Variants in SND1 observed in about 807,000 individuals in gnomAD.
SND1 encodes the protein staphylococcal nuclease domain-containing protein 1.
A neutral mutation model predicts 121.7 loss-of-function variants in SND1; 38 were observed. The ratio of observed to expected loss-of-function variants is 0.31; its 90% CI spans 0.24 to 0.41. The LOEUF (loss-of-function observed/expected upper bound fraction) is 0.41. Ranked by LOEUF, SND1 falls within the 10% of genes least tolerant of loss-of-function variation. The pLI is 1.00. For synonymous variants in SND1, 401 were observed against 447.4 expected, an observed-to-expected ratio of 0.90 and a Z score of 1.31; for missense variants, 868 against 1,184.6, an observed-to-expected ratio of 0.73 and a Z score of 3.92.
At chr7:128,072,126 T>A (rs534436125) in intron 16 of SND1, among the ~76,000 whole-genome samples, 18 of 152,310 alleles carry the variant, frequency 1.2e-4, no homozygotes, top group African/African-American at 4.3e-4. Flanking sequence ...GAGGTGTGAA[T>A]GTGGGGTTTG....
intron 12 of SND1, chr7:127,857,995 G>T: frequency 6.9e-7 from 1 of 1,456,016 alleles, no homozygotes; most frequent in Non-Finnish European, 9.6e-7. Flanking sequence ...ATGCAGCTCG[G>T]CATCCCCCGG....
chr7:127,854,406 G>A (rs976854204), intron 12 of SND1, among the ~76,000 whole-genome samples: 1 of 152,084 alleles, frequency 6.6e-6, no homozygotes, highest in Non-Finnish European at 1.5e-5. Context: ...GGGATTACAG[G>A]TGTGAGCCAC....
intron 16 of SND1, among the ~76,000 whole-genome samples, chr7:128,039,840 A>T (rs1312939364): frequency 6.6e-6 from 1 of 152,238 alleles, no homozygotes; most frequent in Non-Finnish European, 1.5e-5. Flanking sequence ...TTTGCTAATT[A>T]AAGAATGTTA....
intron 16 of SND1, among the ~76,000 whole-genome samples, chr7:128,021,798 G>C (rs1584742143): frequency 6.6e-6 from 1 of 152,306 alleles, no homozygotes; most frequent in East Asian, 1.9e-4. Context: ...CCTCATGCAG[G>C]ATTTCCTAGG....
chr7:128,007,663 T>C (rs890322951), intron 16 of SND1, among the ~76,000 whole-genome samples: 2 of 152,258 alleles, frequency 1.3e-5, no homozygotes, highest in Non-Finnish European at 2.9e-5. Flanking sequence ...AATCTAGTTA[T>C]AGACGTTTCT....
chr7:127,928,371 T>C (rs1800891567), intron 14 of SND1, among the ~76,000 whole-genome samples: 1 of 152,118 alleles, frequency 6.6e-6, no homozygotes, highest in Admixed American at 6.5e-5. Flanking sequence ...GCTGTACTAG[T>C]GCCTGGAGAA....
At chr7:127,678,220 C>G (rs376420133) in intron 1 of SND1, among the ~76,000 whole-genome samples, 41 of 152,282 alleles carry the variant, frequency 2.7e-4, no homozygotes, top group African/African-American at 9.9e-4. Context: ...GCTCTGCTGT[C>G]AATCCTGGTT....
chr7:128,023,456 T>C (rs1230931292), intron 16 of SND1, among the ~76,000 whole-genome samples: 1 of 152,184 alleles, frequency 6.6e-6, no homozygotes, highest in Non-Finnish European at 1.5e-5. Flanking sequence ...CTTCCCAAGG[T>C]CCCAGCCCTC....
At chr7:128,031,100 T>C (rs1015224337) in intron 16 of SND1, 1 of 152,684 alleles carries the variant, frequency 6.5e-6, no homozygotes, top group Non-Finnish European at 1.5e-5. Context: ...TGGCCTCTAG[T>C]AAATCCGGAG....
In SND1 at chr7:128,055,859, G is replaced by A. The variant is rs572941855; in HGVS notation, c.1780-18643G>A. Among the ~76,000 whole-genome samples, 6 of 152,082 alleles carry A rather than the reference G, an allele frequency of 3.9e-5. No homozygotes were observed. In the South Asian group the frequency reaches 1.0e-3, roughly 26 times the overall value. On this transcript the variant is annotated intron_variant, in intron 16 of 23. Coordinates refer to ENST00000354725, the MANE Select transcript of SND1 (RefSeq NM_014390.4). ...CTCGCTGGGCCAGAGCCTCTACCTC[G>A]GCTGTCTCAAAAACTTAGACATCTG...
At chr7:127,665,503 T>A (rs1000961902) in intron 1 of SND1, among the ~76,000 whole-genome samples, 1 of 152,158 alleles carries the variant, frequency 6.6e-6, no homozygotes, top group African/African-American at 2.4e-5. Flanking sequence ...CAACAATTTT[T>A]AAAATTTAAA....
Position 128,029,966 on chromosome 7 carries a change from C to T in SND1, c.1779+38910C>T, listed in dbSNP as rs1240171523. On this transcript the variant is annotated intron_variant, in intron 16 of 23. Transcript: ENST00000354725. The surrounding 1 kb of genome is among the most constrained non-coding windows in gnomAD (Gnocchi z 4.2). Reference sequence around the variant, plus strand: ...TGATCTCAGGGAAGTGGTTCCCTGACATCTCCAGCTCCTCCAGCCCCACCA... The same window carrying T: ...TGATCTCAGGGAAGTGGTTCCCTGATATCTCCAGCTCCTCCAGCCCCACCA... 6.2e-7 allele frequency: 1 copy of T among 1,613,034 alleles called. No individual in the cohort carries two copies. Among genetic ancestry groups the T allele is most frequent in the African/African-American group, 1.3e-5 (1 of 74,900 alleles).
chr7:127,704,654 G>C (rs749346424), intron 7 of SND1, among the ~76,000 whole-genome samples, 185 bp from the exon 8 acceptor site: 2 of 152,206 alleles, frequency 1.3e-5, no homozygotes, highest in Admixed American at 6.5e-5. Flanking sequence ...AGGAGTCTCA[G>C]AGTGGCATCT....
rs149085360 is a variant in SND1, at chr7:128,035,655, A to G, written c.1780-38847A>G. 3.8e-3 allele frequency among the ~76,000 whole-genome samples: 586 copies of G among 152,330 alleles called. 3 individuals carry two copies. The highest frequency in any genetic ancestry group is 0.014 in the South Asian group (69 of 4,826). On this transcript the variant is annotated intron_variant, in intron 16 of 23. Coordinates refer to ENST00000354725, the MANE Select transcript of SND1 (RefSeq NM_014390.4). ...TGGCATTTAAACCTGGGCCTTGAAG[A>G]TATTTCCAAATGCCTGTCTAATGTG...
At chr7:127,673,541 AC>A (rs1191467837) in intron 1 of SND1, among the ~76,000 whole-genome samples, 3 of 152,102 alleles carry the variant, frequency 2.0e-5, no homozygotes, top group Non-Finnish European at 4.4e-5. Flanking sequence ...CCAGCTCCTG[AC>A]CTCAGGTGAT....
intron 11 of SND1, among the ~76,000 whole-genome samples, chr7:127,808,511 T>G (rs1458864920): frequency 6.6e-6 from 1 of 152,228 alleles, no homozygotes; most frequent in Non-Finnish European, 1.5e-5. Context: ...AATACCAAAA[T>G]GGTGTATCCT....
intron 1 of SND1, among the ~76,000 whole-genome samples, chr7:127,655,742 T>A (rs1242789152): frequency 6.6e-6 from 1 of 152,216 alleles, no homozygotes; most frequent in Admixed American, 6.5e-5. Context: ...AAGTGTTGGG[T>A]ACTTAGTATA....
At chr7:127,914,245 C>G (rs1237521385) in intron 14 of SND1, among the ~76,000 whole-genome samples, 1 of 152,202 alleles carries the variant, frequency 6.6e-6, no homozygotes, top group Non-Finnish European at 1.5e-5. Context: ...AGATCATATT[C>G]ATCTCCTCCA....
At chr7:127,696,510 GA>G (rs965374797) in intron 3 of SND1, among the ~76,000 whole-genome samples, 1 of 152,188 alleles carries the variant, frequency 6.6e-6, no homozygotes, top group African/African-American at 2.4e-5. Context: ...AAGAGGAAAA[GA>G]AGTGTACTAT....
Sources: gnomAD v4.1 joint callset for allele counts (sites outside exome capture counted in the v4.1 genomes callset) on GRCh38, gnomAD v4.1.1 for gene constraint, Gnocchi (gnomAD v3.1) non-coding constraint, MANE v1.5 for transcripts, NCBI Gene and HGNC (gene_info 2026-07-23, HGNC 2026-07-21) for gene names.